The following ATAD2 variants were observed in gnomAD, a reference collection of about 807,000 sequenced individuals.
ATAD2 encodes the protein ATPase family AAA domain-containing protein 2.
A neutral mutation model predicts 168.9 loss-of-function variants in ATAD2; 62 were observed. That is an observed-to-expected ratio of 0.37 (90% confidence interval 0.30 to 0.45). The LOEUF (loss-of-function observed/expected upper bound fraction) is 0.45. Among genes scored for constraint, ATAD2 ranks in the 20% least tolerant of loss-of-function variants. ATAD2 has a pLI of 1.00. For missense variants in ATAD2, 1,419 were observed against 1,667.8 expected, an observed-to-expected ratio of 0.85 and a Z score of 2.60; for synonymous variants, 613 against 571.6, an observed-to-expected ratio of 1.07 and a Z score of -1.03.
upstream of ATAD2, chr8:123,400,659 C>G: frequency 1.4e-6 from 1 of 710,780 alleles, no homozygotes. The surrounding 1 kb of genome is among the most constrained non-coding windows in gnomAD (Gnocchi z 4.5). Flanking sequence ...CCAGAGCCGA[C>G]AGCCTCACCT....
chr8:123,393,289 T>C lies in ATAD2; in HGVS notation c.171+2898A>G, dbSNP rs889879101. Reference sequence around the variant, plus strand: ...AATTTGGGAAGCTGAAACTGAAGGATTGCTTGAGTCCAGGAGTTCGAGACC... The same window carrying C: ...AATTTGGGAAGCTGAAACTGAAGGACTGCTTGAGTCCAGGAGTTCGAGACC... On this transcript the variant is annotated intron_variant, in intron 1 of 27. Coordinates refer to ENST00000287394, the MANE Select transcript of ATAD2 (RefSeq NM_014109.4). Among the ~76,000 whole-genome samples, 12 of 151,804 alleles carry C rather than the reference T, an allele frequency of 7.9e-5. No homozygotes were observed. In the South Asian group the frequency reaches 1.7e-3, roughly 21 times the overall value.
intron 1 of ATAD2, among the ~76,000 whole-genome samples, chr8:123,411,782 T>C (rs151128807): frequency 7.0e-4 from 105 of 150,596 alleles, no homozygotes; most frequent in African/African-American, 2.3e-3. Flanking sequence ...AATAAATAAA[T>C]AAACAAATAA....
intron 1 of ATAD2, among the ~76,000 whole-genome samples, chr8:123,407,918 G>A (rs1813089603): frequency 6.6e-6 from 1 of 152,074 alleles, no homozygotes; most frequent in Non-Finnish European, 1.5e-5. Context: ...AGACTCAAGT[G>A]TTCTTACTTC....
chr8:123,355,948 C>T (rs574217871), intron 13 of ATAD2, among the ~76,000 whole-genome samples: 3 of 152,108 alleles, frequency 2.0e-5, no homozygotes, highest in East Asian at 3.9e-4. Flanking sequence ...GAGGGAGTTT[C>T]GCTCTGTCAC....
At chr8:123,332,803 G>T (rs970988638) in intron 24 of ATAD2, among the ~76,000 whole-genome samples, 2 of 151,216 alleles carry the variant, frequency 1.3e-5, no homozygotes, top group Non-Finnish European at 1.5e-5. Context: ...ATGTAATCCT[G>T]TTGGGTATCT....
chr8:123,326,568 C>CT (rs1390579031), intron 25 of ATAD2, among the ~76,000 whole-genome samples: 2 of 151,802 alleles, frequency 1.3e-5, no homozygotes, highest in Non-Finnish European at 2.9e-5. Context: ...GTCCCAGCTG[C>CT]TTGGGAGGCT....
chr8:123,333,359 G>T (rs1288002453), intron 24 of ATAD2, among the ~76,000 whole-genome samples: 1 of 142,146 alleles, frequency 7.0e-6, no homozygotes, highest in Non-Finnish European at 1.5e-5. Context: ...GCAGTGAGCC[G>T]AGATCGCACC....
rs1330277029 is a variant in ATAD2 at position 123,402,677 on chromosome 8, G to A, written c.-2281-1502C>T. Among the ~76,000 whole-genome samples the A allele has an allele frequency of 5.3e-5, 8 of 152,186 alleles. 1 individual carries two copies. In the East Asian group the frequency reaches 9.6e-4, roughly 18 times the overall value. Reference sequence around the variant, plus strand: ...TCATGGCTGCCTGCCCCTCATTCCTGACTCACCACCGTCCCCAGGTGTACC... The same window carrying A: ...TCATGGCTGCCTGCCCCTCATTCCTAACTCACCACCGTCCCCAGGTGTACC... On this transcript the variant is annotated intron_variant, in intron 1 of 28. Transcript: ENST00000521903. The surrounding 1 kb of genome is among the most constrained non-coding windows in gnomAD (Gnocchi z 4.8).
intron 11 of ATAD2, among the ~76,000 whole-genome samples, chr8:123,358,551 T>A (rs1320900270): frequency 6.6e-6 from 1 of 152,058 alleles, no homozygotes; most frequent in African/African-American, 2.4e-5. Flanking sequence ...TTTCACTATG[T>A]TGGCCAGGCT....
At chr8:123,334,779 A>G (rs576395776) in intron 22 of ATAD2, among the ~76,000 whole-genome samples, 6 of 152,368 alleles carry the variant, frequency 3.9e-5, no homozygotes, top group African/African-American at 1.4e-4. Flanking sequence ...GAAAATCCTA[A>G]GCTCAGAGTA....
chr8:123,386,171 T>A (rs1008493239), intron 1 of ATAD2, among the ~76,000 whole-genome samples: 2 of 152,170 alleles, frequency 1.3e-5, no homozygotes, highest in African/African-American at 4.8e-5. Flanking sequence ...AATTCCACTT[T>A]TGGGTATACA....
intron 2 of ATAD2, among the ~76,000 whole-genome samples, chr8:123,373,720 C>T (rs1030637586): frequency 2.1e-5 from 3 of 142,756 alleles, no homozygotes; most frequent in Non-Finnish European, 4.5e-5. Flanking sequence ...ACCCAGGAGG[C>T]GGAGCTTGCA....
At chr8:123,354,895 T>C (rs1051826747) in intron 13 of ATAD2, among the ~76,000 whole-genome samples, 3 of 124,596 alleles carry the variant, frequency 2.4e-5, no homozygotes, top group Non-Finnish European at 4.8e-5. Flanking sequence ...ATATTTGAGA[T>C]GGCACAGTTT....
rs776675179 is a variant in ATAD2, at chr8:123,368,845, G to A, written c.1049+213C>T. 3.3e-5 allele frequency among the ~76,000 whole-genome samples: 5 copies of A among 152,004 alleles called. No homozygotes were observed. The East Asian group carries it at 7.7e-4, about 23-fold the overall frequency. ...AAAATGGAATAAACTACCTTACTAC[G>A]GTAGTTACTAACACCTCCTATTAGT... is the stretch of plus-strand genomic sequence containing the variant. On this transcript the variant is annotated intron_variant, in intron 8 of 27. Coordinates refer to ENST00000287394, the MANE Select transcript of ATAD2 (RefSeq NM_014109.4).
At chr8:123,369,002 C>T in intron 8 of ATAD2, 56 bp downstream of exon 8, 1 of 1,034,260 alleles carries the variant, frequency 9.7e-7, no homozygotes, top group East Asian at 3.0e-5. Flanking sequence ...TAGAGTCCAG[C>T]CCTAACATAA....
chr8:123,386,316 A>G (rs1829644615), intron 1 of ATAD2, among the ~76,000 whole-genome samples: 1 of 152,218 alleles, frequency 6.6e-6, no homozygotes, highest in South Asian at 2.1e-4. Flanking sequence ...TGGTACATAC[A>G]ATGGAATATT....
rs1586891161 is a variant in ATAD2 at position 123,371,690 on chromosome 8, C to T, written c.516G>A (p.Leu172=). ...SRYSGVNQSM[L]FDKLITNTAE... ...CTTACTTAGTTATAAGTTTGTCAAA[C>T]AGCATGGACTGGTTTACACCACTAT... Residue 172 remains leucine, a synonymous_variant, in exon 4 of 28, where the codon CTG becomes CTA. Coordinates refer to ENST00000287394, the MANE Select transcript of ATAD2 (RefSeq NM_014109.4). 1 of 1,603,320 alleles carries T rather than the reference C, an allele frequency of 6.2e-7. No homozygotes were observed. Among genetic ancestry groups the T allele is most frequent in the Non-Finnish European group, 8.5e-7 (1 of 1,177,494 alleles).
At chr8:123,342,647 C>CAAAG (rs1828096932) in intron 19 of ATAD2, 1 of 152,054 alleles carries the variant, frequency 6.6e-6, no homozygotes, top group African/African-American at 2.4e-5. Context: ...AAACTGGAAA[C>CAAAG]CTTTAAGGAC....
intron 8 of ATAD2, 102 bp downstream of exon 8, chr8:123,368,956 T>C (rs761820728): frequency 4.3e-5 from 23 of 537,002 alleles, no homozygotes; most frequent in Non-Finnish European, 5.9e-5. Context: ...TACACAATTC[T>C]AGAATTTTAT....
Sources: allele counts gnomAD v4.1 joint callset (sites outside exome capture counted in the v4.1 genomes callset), GRCh38; gene constraint gnomAD v4.1.1; non-coding constraint Gnocchi (gnomAD v3.1); transcripts MANE v1.5; gene names NCBI Gene and HGNC (gene_info 2026-07-23, HGNC 2026-07-21).